KCNIP4: variants seen among roughly 807,000 people sequenced by gnomAD.
KCNIP4 encodes the protein potassium voltage-gated channel interacting protein 4, also known as Kv channel-interacting protein 4.
Under a neutral mutation model 34.0 loss-of-function variants are expected in KCNIP4, and 12 were observed. The ratio of observed to expected loss-of-function variants is 0.35; its 90% CI spans 0.23 to 0.57. The LOEUF is 0.57. Ranked by LOEUF, KCNIP4 falls within the 20% of genes least tolerant of loss-of-function variation. The pLI is 0.83. For missense variants in KCNIP4, 238 were observed against 311.7 expected (o/e 0.76, Z 1.78); for synonymous variants, 124 against 102.2 (o/e 1.21, Z -1.29).
intron 1 of KCNIP4, among the ~76,000 whole-genome samples, chr4:21,431,471 T>C (rs1726442575): frequency 6.6e-6 from 1 of 152,126 alleles, no homozygotes. Context: ...GTTATGAATA[T>C]TTATATACTG....
At chr4:21,016,425 A>G (rs944805780) in intron 1 of KCNIP4, among the ~76,000 whole-genome samples, 1 of 150,304 alleles carries the variant, frequency 6.7e-6, no homozygotes, top group African/African-American at 2.5e-5. Context: ...CATCCTGAGT[A>G]GCTGGGACTA....
chr4:21,634,937 T>C (rs1183432417), intron 1 of KCNIP4, among the ~76,000 whole-genome samples: 1 of 152,172 alleles, frequency 6.6e-6, no homozygotes, highest in African/African-American at 2.4e-5. Context: ...TTTAAAAATA[T>C]AAACAAAATC....
intron 1 of KCNIP4, among the ~76,000 whole-genome samples, chr4:21,702,185 A>G (rs1712913466): frequency 6.6e-6 from 1 of 152,138 alleles, no homozygotes; most frequent in Admixed American, 6.6e-5. Flanking sequence ...GAGGTGCCAG[A>G]ATATTCAGAT....
At chr4:21,671,215 G>A (rs1161847113) in intron 1 of KCNIP4, among the ~76,000 whole-genome samples, 1 of 152,122 alleles carries the variant, frequency 6.6e-6, no homozygotes, top group Non-Finnish European at 1.5e-5. Context: ...TGAACAGTCA[G>A]AGCTTATTGA....
chr4:21,575,115 T>C (rs1740654506), intron 1 of KCNIP4, among the ~76,000 whole-genome samples: 1 of 152,172 alleles, frequency 6.6e-6, no homozygotes, highest in East Asian at 1.9e-4. Flanking sequence ...TTATGCTGAC[T>C]CCAGCCTCTG....
chr4:21,262,484 G>C (rs1358277937), intron 1 of KCNIP4, among the ~76,000 whole-genome samples: 1 of 152,184 alleles, frequency 6.6e-6, no homozygotes, highest in Non-Finnish European at 1.5e-5. Context: ...TGGATGAGGA[G>C]TATAAATGCT....
At chr4:20,830,675 C>T (rs5015341) in intron 3 of KCNIP4, among the ~76,000 whole-genome samples, 31,172 of 152,000 alleles carry the variant, frequency 0.21, 3,442 homozygotes, top group South Asian at 0.42. Flanking sequence ...AGCAATAATA[C>T]AGAAAAAATG....
At chr4:21,274,876 ATTTGAT>A (rs1011386352) in intron 1 of KCNIP4, among the ~76,000 whole-genome samples, 1 of 82,930 alleles carries the variant, frequency 1.2e-5, no homozygotes, top group East Asian at 3.7e-4. Flanking sequence ...AAGATTGTTA[ATTTGAT>A]TTTTTTTCTT....
In KCNIP4 at chr4:21,926,464, T is replaced by A. The variant is rs111877714; in HGVS notation, c.61+22107A>T. Among the ~76,000 whole-genome samples the A allele has an allele frequency of 7.3e-3, 1,114 of 152,294 alleles. 14 individuals are homozygous for A. Among genetic ancestry groups the A allele is most frequent in the African/African-American group, 0.025 (1,052 of 41,542 alleles). ...GAAGCAGGTGTTTTCACTATTTGAA[T>A]CATTGAGAAGAATCCAACACTTTAA... is the stretch of plus-strand genomic sequence containing the variant. On this transcript the variant is annotated intron_variant, in intron 1 of 8. Transcript: ENST00000382152.
At chr4:21,201,722 C>T (rs1444271070) in intron 1 of KCNIP4, among the ~76,000 whole-genome samples, 1 of 152,142 alleles carries the variant, frequency 6.6e-6, no homozygotes, top group East Asian at 1.9e-4. Flanking sequence ...AAGGTTTCGA[C>T]CTCCTGACCT....
chr4:20,766,183 G>A lies in KCNIP4; in HGVS notation c.289-7293C>T, dbSNP rs917077768. On this transcript the variant is annotated intron_variant, in intron 3 of 8. Coordinates refer to ENST00000382152, the MANE Select transcript of KCNIP4 (RefSeq NM_025221.6). The stretch of plus-strand genomic sequence containing the variant: ...TATTAACTCCATTTTACAAATGAAT[G>A]AACTGTCTTAGAGAGGGGCCACTGC... Among the ~76,000 whole-genome samples, 4 of 152,096 alleles carry A rather than the reference G, an allele frequency of 2.6e-5. No individual in the cohort carries two copies. The East Asian group carries it at 7.7e-4, about 29-fold the overall frequency.
intron 3 of KCNIP4, among the ~76,000 whole-genome samples, chr4:20,812,897 C>A (rs1213217888): frequency 6.6e-6 from 1 of 151,800 alleles, no homozygotes; most frequent in Admixed American, 6.6e-5. Context: ...TGTGGTATCT[C>A]TGGGACTGCG....
At position 21,248,664 on chromosome 4, in the gene KCNIP4, C is replaced by T. The variant is rs576186533; in HGVS notation, c.62-365955G>A. Among the ~76,000 whole-genome samples the T allele has an allele frequency of 3.3e-5, 5 of 152,182 alleles. No individual in the cohort carries two copies. The South Asian group carries it at 1.0e-3, about 32-fold the overall frequency. ...CTCTTACAATAGGTGATAATAGAGC[C>T]CAATTCCAGAAGTGGGGTGCTCAGC... On this transcript the variant is annotated intron_variant, in intron 1 of 8. Coordinates refer to ENST00000382152, the MANE Select transcript of KCNIP4 (RefSeq NM_025221.6).
chr4:21,230,465 C>T (rs969609578), intron 1 of KCNIP4, among the ~76,000 whole-genome samples: 7 of 152,150 alleles, frequency 4.6e-5, no homozygotes, highest in African/African-American at 9.7e-5. Context: ...TTAAGTCCCG[C>T]GTGCATTAGC....
At chr4:20,988,371 G>C (rs1334468713) in intron 1 of KCNIP4, among the ~76,000 whole-genome samples, 1 of 152,198 alleles carries the variant, frequency 6.6e-6, no homozygotes, top group African/African-American at 2.4e-5. Flanking sequence ...GAAAGAGAGA[G>C]GGTCAGTAGA....
At chr4:21,250,968 C>T (rs1302756036) in intron 1 of KCNIP4, among the ~76,000 whole-genome samples, 1 of 151,378 alleles carries the variant, frequency 6.6e-6, no homozygotes, top group Non-Finnish European at 1.5e-5. Flanking sequence ...TACACTGTAT[C>T]TCAGAAATTA....
At chr4:21,798,009 T>G (rs1262959399) in intron 1 of KCNIP4, among the ~76,000 whole-genome samples, 1 of 151,716 alleles carries the variant, frequency 6.6e-6, no homozygotes, top group Non-Finnish European at 1.5e-5. Flanking sequence ...ATACGAGGAG[T>G]ATTTTCAGAT....
intron 1 of KCNIP4, among the ~76,000 whole-genome samples, chr4:21,468,842 A>C (rs1364259116): frequency 6.6e-6 from 1 of 152,174 alleles, no homozygotes; most frequent in Non-Finnish European, 1.5e-5. Context: ...TTATTCAAGC[A>C]AAACAGCTTT....
In KCNIP4 at chr4:20,991,325, C is replaced by A. The variant is rs1486860385; in HGVS notation, c.62-108616G>T. Among the ~76,000 whole-genome samples the A allele has an allele frequency of 2.6e-5, 4 of 151,906 alleles. No homozygotes were observed. In the South Asian group the frequency reaches 6.2e-4, roughly 24 times the overall value. Reference sequence around the variant, plus strand: ...TAAATATTCAGTAACTAGTTCTTTCCTGGGAACAAGGTTAAGAGAGCAATG... The same window carrying A: ...TAAATATTCAGTAACTAGTTCTTTCATGGGAACAAGGTTAAGAGAGCAATG... On this transcript the variant is annotated intron_variant, in intron 1 of 8. Coordinates refer to ENST00000382152, the MANE Select transcript of KCNIP4 (RefSeq NM_025221.6).
Sources: gnomAD v4.1 joint callset for allele counts (sites outside exome capture counted in the v4.1 genomes callset) on GRCh38, gnomAD v4.1.1 for gene constraint, MANE v1.5 for transcripts, NCBI Gene and HGNC (gene_info 2026-07-23, HGNC 2026-07-21) for gene names.